TRAPPC9: variants seen among roughly 807,000 people sequenced by gnomAD.
The protein encoded by TRAPPC9 is IKK2 binding protein.
In TRAPPC9, 83 loss-of-function variants were observed where a neutral mutation model predicts 124.0. That is an observed-to-expected ratio of 0.67 (90% CI 0.56 to 0.80). The LOEUF is 0.80. Ranked by LOEUF, TRAPPC9 falls within the 30% of genes least tolerant of loss-of-function variation. The probability of loss-of-function intolerance (pLI) is 0.00; values close to 1 mark genes in which losing one functional copy is unlikely to be tolerated. For missense variants in TRAPPC9, 1,302 were observed against 1,508.3 expected, an observed-to-expected ratio of 0.86 and a Z score of 2.27; for synonymous variants, 638 against 617.5, an observed-to-expected ratio of 1.03 and a Z score of -0.49.
At chr8:139,811,483 C>T (rs952929391) in intron 21 of TRAPPC9, among the ~76,000 whole-genome samples, 12 of 152,122 alleles carry the variant, frequency 7.9e-5, no homozygotes, top group Non-Finnish European at 1.5e-4. Flanking sequence ...AAATGAGTTT[C>T]GAAGAACAAC....
At chr8:139,977,453 G>A (rs1039824426) in intron 19 of TRAPPC9, among the ~76,000 whole-genome samples, 1 of 151,582 alleles carries the variant, frequency 6.6e-6, no homozygotes. Context: ...CCCGTCTCTA[G>A]TAAAAATACA....
intron 17 of TRAPPC9, among the ~76,000 whole-genome samples, chr8:140,103,162 C>G (rs2060610048): frequency 6.6e-6 from 1 of 152,198 alleles, no homozygotes; most frequent in South Asian, 2.1e-4. Context: ...TCATACTCAG[C>G]CTGAGACACC....
rs34920600 is a variant in TRAPPC9 at position 140,112,841 on chromosome 8, CTTT to C, written c.2557-88765_2557-88763del. 7.0e-3 allele frequency among the ~76,000 whole-genome samples: 901 copies of C among 129,246 alleles called. 11 individuals are homozygous for C. The highest frequency in any genetic ancestry group is 0.018 in the African/African-American group (620 of 34,316). The allele number at this position is 129,246 out of a possible 152,430, so 84.8% of individuals were successfully genotyped here. A position where few individuals can be genotyped will look rare whatever the true frequency, so the allele number is the denominator to read the frequency against. On this transcript the variant is annotated intron_variant, in intron 17 of 22. Transcript: ENST00000438773. ...AGACATATCACTATTTTTTAATTTC[CTTT>C]TTTTTTTTTTTTTTGAAATGGAGTC...
At chr8:139,814,176 G>C (rs1434932189) in intron 21 of TRAPPC9, among the ~76,000 whole-genome samples, 1 of 152,272 alleles carries the variant, frequency 6.6e-6, no homozygotes, top group African/African-American at 2.4e-5. Flanking sequence ...TGCTCCGCGA[G>C]GCAGGCGGTG....
chr8:140,381,730 G>A (rs1289382707), intron 7 of TRAPPC9, among the ~76,000 whole-genome samples: 1 of 150,722 alleles, frequency 6.6e-6, no homozygotes, highest in South Asian at 2.1e-4. Flanking sequence ...AGCCATGAGG[G>A]AAATGTAAAT....
intron 21 of TRAPPC9, among the ~76,000 whole-genome samples, chr8:139,862,766 A>T (rs943732662): frequency 2.0e-5 from 3 of 152,220 alleles, no homozygotes; most frequent in South Asian, 2.1e-4. Context: ...GAGGGGAAGC[A>T]CGGTGAGGCC....
At chr8:140,423,687 C>CACATATAT (rs2070318355) in intron 5 of TRAPPC9, among the ~76,000 whole-genome samples, 1 of 151,574 alleles carries the variant, frequency 6.6e-6, no homozygotes, top group Non-Finnish European at 1.5e-5. Context: ...CACATATATA[C>CACATATAT]ACATATACAC....
chr8:140,272,076 G>A (rs996424231), intron 15 of TRAPPC9, among the ~76,000 whole-genome samples: 1 of 88,724 alleles, frequency 1.1e-5, no homozygotes, highest in African/African-American at 6.0e-5. Context: ...GGTGATGATG[G>A]TGGTGGTTGT....
intron 2 of TRAPPC9, among the ~76,000 whole-genome samples, chr8:140,444,035 CAAAAAA>C (rs35121401): frequency 1.0e-3 from 42 of 40,924 alleles, no homozygotes; most frequent in Non-Finnish European, 1.5e-3. Flanking sequence ...GACTCCATCT[CAAAAAA>C]AAAAAAAAAA....
intron 17 of TRAPPC9, among the ~76,000 whole-genome samples, chr8:140,186,558 A>T (rs1416321735): frequency 1.3e-5 from 2 of 152,076 alleles, no homozygotes; most frequent in African/African-American, 2.4e-5. Flanking sequence ...ACAGAGCGAG[A>T]GTCTGTCTCA....
intron 21 of TRAPPC9, among the ~76,000 whole-genome samples, chr8:139,752,865 C>A (rs1406123794): frequency 4.0e-5 from 6 of 148,984 alleles, no homozygotes; most frequent in African/African-American, 1.5e-4. Flanking sequence ...TCCACCCATC[C>A]AACATCTACC....
At chr8:140,442,676 T>A (rs1348720239) in intron 2 of TRAPPC9, among the ~76,000 whole-genome samples, 4 of 151,836 alleles carry the variant, frequency 2.6e-5, no homozygotes, top group Non-Finnish European at 5.9e-5. Flanking sequence ...AAACAAGAGC[T>A]TGGTATTCTA....
intron 17 of TRAPPC9, among the ~76,000 whole-genome samples, chr8:140,074,451 G>A (rs1372933314): frequency 3.9e-5 from 6 of 152,216 alleles, no homozygotes; most frequent in South Asian, 4.1e-4. Flanking sequence ...CAAAAGGGAG[G>A]CCACTTCATC....
At chr8:140,232,979 C>T (rs759928223) in intron 16 of TRAPPC9, among the ~76,000 whole-genome samples, 11 of 152,250 alleles carry the variant, frequency 7.2e-5, no homozygotes, top group African/African-American at 1.7e-4. Context: ...CTGAGTGTTT[C>T]GTGTGTTCTT....
At chr8:140,058,851 C>CGAGTCAGGAGAGTCGGGA (rs1842429923) in intron 17 of TRAPPC9, among the ~76,000 whole-genome samples, 1 of 152,096 alleles carries the variant, frequency 6.6e-6, no homozygotes, top group African/African-American at 2.4e-5. Flanking sequence ...AGCTGGGAGC[C>CGAGTCAGGAGAGTCGGGA]GAGTCAGGAG....
chr8:139,868,821 C>G (rs1411672624), intron 21 of TRAPPC9, among the ~76,000 whole-genome samples: 1 of 152,128 alleles, frequency 6.6e-6, no homozygotes, highest in Non-Finnish European at 1.5e-5. Context: ...CTGCATGGAG[C>G]TTATATTCTA....
chr8:139,799,811 G>A (rs1182732976), intron 21 of TRAPPC9, among the ~76,000 whole-genome samples: 1 of 152,216 alleles, frequency 6.6e-6, no homozygotes, highest in Non-Finnish European at 1.5e-5. Flanking sequence ...GCTGGGGCTC[G>A]TCCCCCTTTT....
Position 140,104,825 on chromosome 8 carries a change from G to T in TRAPPC9, c.2557-80746C>A, listed in dbSNP as rs770749767. ...TTAGGACATTTCCCAGAGTTGCCTC[G>T]AACTGAAGCCTTACTTCCTCTTTCT... is the stretch of plus-strand genomic sequence containing the variant. On this transcript the variant is annotated intron_variant, in intron 17 of 22. Transcript: ENST00000438773. This position sits in a 1 kb window ranked among gnomAD's most constrained non-coding sequence, Gnocchi z 4.0. Among the ~76,000 whole-genome samples, 3 of 152,158 alleles carry T rather than the reference G, an allele frequency of 2.0e-5. No homozygotes were observed. Among genetic ancestry groups the T allele is most frequent in the Admixed American group, 6.5e-5 (1 of 15,278 alleles).
intron 15 of TRAPPC9, among the ~76,000 whole-genome samples, chr8:140,268,548 C>A (rs980873605): frequency 2.6e-5 from 4 of 152,184 alleles, no homozygotes; most frequent in Non-Finnish European, 5.9e-5. Context: ...CGTCTATTTA[C>A]GTTTATCATG....
Sources: allele counts gnomAD v4.1 joint callset (sites outside exome capture counted in the v4.1 genomes callset), GRCh38; gene constraint gnomAD v4.1.1; non-coding constraint Gnocchi (gnomAD v3.1); transcripts MANE v1.5; gene names NCBI Gene and HGNC (gene_info 2026-07-23, HGNC 2026-07-21).